The following PPP6R1 variants were observed in gnomAD, a reference collection of about 807,000 sequenced individuals.
PPP6R1 encodes serine/threonine-protein phosphatase 6 regulatory subunit 1.
PPP6R1 carries 39 observed loss-of-function variants against 104.6 expected under a neutral mutation model. The observed-to-expected ratio is 0.37, with a 90% CI of 0.29 to 0.49. PPP6R1 has a LOEUF of 0.49. Among genes scored for constraint, PPP6R1 ranks in the 20% least tolerant of loss-of-function variants. PPP6R1 has a pLI of 0.98. For synonymous variants in PPP6R1, 549 were observed against 479.0 expected (o/e 1.15, Z -1.91); for missense variants, 1,181 against 1,155.8 (o/e 1.02, Z -0.32).
intron 10 of PPP6R1, 61 bp downstream of exon 10, chr19:55,240,884 G>A (rs912110348): frequency 2.8e-5 from 44 of 1,568,114 alleles, no homozygotes; most frequent in South Asian, 1.2e-4. Context: ...TAGGCCTCTG[G>A]AGAGGGTGCG....
At position 55,242,271 on chromosome 19, in the gene PPP6R1, G is replaced by A. The variant is rs201582795; in HGVS notation, c.740C>T (p.Thr247Met). Reference sequence around the variant, plus strand: ...CATGTTGCTTAAGAGCTGCTCAATCGTCTCCTGCCTGCGGGGGCAGGGGCA... The same window carrying A: ...CATGTTGCTTAAGAGCTGCTCAATCATCTCCTGCCTGCGGGGGCAGGGGCA... ...QLLATLEKQE[T>M]IEQLLSNMFE... The change falls in exon 7 of 24, where the codon ACG becomes ATG. Residue 247 changes from threonine to methionine, a missense_variant. By Grantham distance (81) the Thr-to-Met change is moderately conservative (BLOSUM62 -1). This residue lies in a region of PPP6R1 where 1,042 missense variants were observed against 955.6 expected (regional missense o/e 1.09). Transcript: ENST00000412770. 7.2e-5 allele frequency: 116 copies of A among 1,613,944 alleles called. No homozygotes were observed. The highest frequency in any genetic ancestry group is 4.2e-4 in the South Asian group (38 of 91,084).
chr19:55,244,749 C>CTTT (rs554641104), intron 5 of PPP6R1, among the ~76,000 whole-genome samples: 2 of 146,588 alleles, frequency 1.4e-5, no homozygotes, highest in African/African-American at 5.0e-5. Flanking sequence ...TCTTTTCTTT[C>CTTT]TTTTTTTTTT....
chr19:55,243,094 A>T (rs1278504370), intron 5 of PPP6R1, among the ~76,000 whole-genome samples: 1 of 152,122 alleles, frequency 6.6e-6, no homozygotes, highest in Non-Finnish European at 1.5e-5. Flanking sequence ...GTGTGATGGC[A>T]CATGCCTATA....
intron 17 of PPP6R1, chr19:55,232,970 T>C (rs919936863): frequency 1.3e-5 from 2 of 152,238 alleles, no homozygotes; most frequent in African/African-American, 2.4e-5. Flanking sequence ...CTAGGCTCTG[T>C]GGTATAGCCT....
chr19:55,228,637 G>T, downstream of PPP6R1: 1 of 1,584,462 alleles, frequency 6.3e-7, no homozygotes, highest in East Asian at 2.3e-5. Flanking sequence ...GCCGGCTGCT[G>T]GGGTTCCAGG....
intron 15 of PPP6R1, 191 bp downstream of exon 15, chr19:55,239,214 T>C (rs955313427): frequency 1.1e-5 from 7 of 609,912 alleles, no homozygotes; most frequent in East Asian, 2.8e-5. Flanking sequence ...CTGGAACTCA[T>C]GTAACAGGAG....
At position 55,231,987 on chromosome 19, in the gene PPP6R1, G is replaced by A. The variant is rs755104612; in HGVS notation, c.2126-5C>T. On this transcript the variant is annotated splice_polypyrimidine_tract_variant and splice_region_variant and intron_variant, in intron 18 of 23. Coordinates refer to ENST00000412770, the MANE Select transcript of PPP6R1 (RefSeq NM_014931.4). ...AGGTGGCTGTCCAGCTGGGGCCTGGGATAGAGGTGGGGGAGCGGGATGGAG... is the reference window on the plus strand; with the variant it reads ...AGGTGGCTGTCCAGCTGGGGCCTGGAATAGAGGTGGGGGAGCGGGATGGAG... 28 of 1,603,998 alleles carry A rather than the reference G, an allele frequency of 1.7e-5. No individual in the cohort carries two copies. Among genetic ancestry groups the A allele is most frequent in the South Asian group, 1.1e-5 (1 of 90,278 alleles).
downstream of PPP6R1, chr19:55,228,273 G>A: frequency 1.2e-6 from 2 of 1,613,112 alleles, no homozygotes; most frequent in South Asian, 2.2e-5. Context: ...GCTGGGTGTA[G>A]CCCCCGCTTG....
intron 5 of PPP6R1, chr19:55,242,733 T>TAC: frequency 2.0e-6 from 1 of 503,550 alleles, no homozygotes; most frequent in Admixed American, 3.3e-5. Context: ...CATGACCGCA[T>TAC]ACAGGGCTGG....
intron 1 of PPP6R1, among the ~76,000 whole-genome samples, chr19:55,252,550 C>G (rs1331440404): frequency 6.6e-6 from 1 of 152,132 alleles, no homozygotes; most frequent in East Asian, 1.9e-4. Context: ...AGTGCGCCAC[C>G]ACACCCAGCT....
chr19:55,249,395 C>T (rs2087535880), intron 1 of PPP6R1, among the ~76,000 whole-genome samples: 1 of 152,202 alleles, frequency 6.6e-6, no homozygotes, highest in South Asian at 2.1e-4. Context: ...GCATCTGCCA[C>T]CACACCCGGC....
chr19:55,256,509 C>A (rs1189110108), intron 1 of PPP6R1, among the ~76,000 whole-genome samples: 1 of 152,224 alleles, frequency 6.6e-6, no homozygotes, highest in Non-Finnish European at 1.5e-5. Flanking sequence ...ATTCCCAAAT[C>A]AAATAATAAT....
intron 1 of PPP6R1, among the ~76,000 whole-genome samples, chr19:55,255,087 C>A (rs1268673544): frequency 6.6e-6 from 1 of 152,216 alleles, no homozygotes; most frequent in African/African-American, 2.4e-5. Flanking sequence ...CTTGGGAAAG[C>A]CTTGGGGAGG....
chr19:55,228,251 C>G (rs764853440), downstream of PPP6R1: 1 of 1,612,514 alleles, frequency 6.2e-7, no homozygotes, highest in Admixed American at 1.7e-5. Context: ...CACACAAGGG[C>G]TCCCTGGAGG....
chr19:55,234,820 G>A (rs1431376957), intron 17 of PPP6R1, among the ~76,000 whole-genome samples: 1 of 152,190 alleles, frequency 6.6e-6, no homozygotes, highest in Non-Finnish European at 1.5e-5. Flanking sequence ...AGAGTGTTGA[G>A]CAACAGAGGT....
In PPP6R1 at chr19:55,240,056, G is replaced by A. The variant is rs151179454; in HGVS notation, c.1420C>T (p.Leu474=). Residue 474 remains leucine, a synonymous_variant, in exon 12 of 24, where the codon CTG becomes TTG. Transcript: ENST00000412770. ...GGCCCCTTCTCCGTGTTCTGCACCAGGGCACCGGCCACTCTTGTCAGGTGA... is the reference window on the plus strand; with the variant it reads ...GGCCCCTTCTCCGTGTTCTGCACCAAGGCACCGGCCACTCTTGTCAGGTGA... ...MGHLTRVAGA[L]VQNTEKGPNA... 1.4e-4 allele frequency: 230 copies of A among 1,602,928 alleles called. No individual in the cohort carries two copies. The East Asian group carries it at 4.4e-3, about 30-fold the overall frequency.
Position 55,240,025 on chromosome 19 carries a change from G to C in PPP6R1, c.1451C>G (p.Ala484Gly). 2.5e-6 allele frequency: 4 copies of C among 1,604,002 alleles called. No homozygotes were observed. Among genetic ancestry groups the C allele is most frequent in the Non-Finnish European group, 3.4e-6 (4 of 1,176,330 alleles). The change falls in exon 12 of 24, where the codon GCA (alanine) becomes GGA (glycine). Residue 484 changes from alanine to glycine, a missense_variant. Physicochemically the swap from Ala to Gly is moderately conservative, Grantham distance 60. Coordinates refer to ENST00000412770, the MANE Select transcript of PPP6R1 (RefSeq NM_014931.4). ...LVQNTEKGPN[A>G]EQLRQLLKEL... ...CTTCAGCAGCTGCCGCAGCTGCTCT[G>C]CATTGGGCCCCTTCTCCGTGTTCTG...
At position 55,258,895 on chromosome 19, in the gene PPP6R1, G is replaced by A. The variant is rs2087617541; in HGVS notation, c.-467C>T. Reference sequence around the variant, plus strand: ...CAAACGGGCCGCAGAGCCGAGCAGCGACCGACGGAAGCCGAGGCCTACTTC... The same window carrying A: ...CAAACGGGCCGCAGAGCCGAGCAGCAACCGACGGAAGCCGAGGCCTACTTC... On this transcript the variant is annotated 5_prime_UTR_variant, in exon 1 of 24. Coordinates refer to ENST00000412770, the MANE Select transcript of PPP6R1 (RefSeq NM_014931.4). The A allele has an allele frequency of 6.6e-6, 1 of 152,196 alleles. No homozygotes were observed. The highest frequency in any genetic ancestry group is 2.4e-5 in the African/African-American group (1 of 41,442). The allele number at this position is 152,196 out of a possible 1,614,324, so 9.4% of individuals were successfully genotyped here.
chr19:55,251,490 G>A (rs2087553116), intron 1 of PPP6R1, among the ~76,000 whole-genome samples: 1 of 152,200 alleles, frequency 6.6e-6, no homozygotes, highest in Non-Finnish European at 1.5e-5. Context: ...TCAGGAGGTG[G>A]GGGAAAGTGC....
Sources: gnomAD v4.1 joint callset for allele counts (sites outside exome capture counted in the v4.1 genomes callset) on GRCh38, gnomAD v4.1.1 for gene constraint, gnomAD v4.1.1 regional missense constraint, MANE v1.5 for transcripts, NCBI Gene and HGNC (gene_info 2026-07-23, HGNC 2026-07-21) for gene names.